The following BNC2 variants were observed in gnomAD, a reference collection of about 807,000 sequenced individuals.
The protein encoded by BNC2 is zinc finger protein basonuclin-2.
In BNC2, 20 loss-of-function variants were observed where a neutral mutation model predicts 76.3. The ratio of observed to expected loss-of-function variants is 0.26; its 90% confidence interval spans 0.18 to 0.38. The LOEUF is 0.38. Among genes scored for constraint, BNC2 ranks in the 10% least tolerant of loss-of-function variants. The pLI is 1.00. For missense variants in BNC2, 1,382 were observed against 1,399.8 expected, an observed-to-expected ratio of 0.99 and a Z score of 0.20; for synonymous variants, 582 against 514.8, an observed-to-expected ratio of 1.13 and a Z score of -1.77.
chr9:16,845,628 G>C (rs1818957389), intron 1 of BNC2, among the ~76,000 whole-genome samples: 1 of 152,192 alleles, frequency 6.6e-6, no homozygotes, highest in Non-Finnish European at 1.5e-5. Flanking sequence ...GGCCGAGGCA[G>C]GAGAATGGCG....
intron 1 of BNC2, among the ~76,000 whole-genome samples, chr9:16,843,375 G>T (rs1355609054): frequency 6.6e-6 from 1 of 152,226 alleles, no homozygotes; most frequent in African/African-American, 2.4e-5. Context: ...TGTCGCCTAG[G>T]CTGGAGTGCA....
In BNC2 at chr9:16,436,812, T is replaced by A; in HGVS notation, c.1382A>T (p.Asn461Ile). Reference protein sequence around the residue: ...YDKGTLKIHYNAVHLKIKHRC... With the variant: ...YDKGTLKIHYIAVHLKIKHRC... Reference sequence around the variant, plus strand: ...ATGTTTGATCTTCAGGTGAACAGCATTGTAATGAATTTTGAGAGTACCTTT... The same window carrying A: ...ATGTTTGATCTTCAGGTGAACAGCAATGTAATGAATTTTGAGAGTACCTTT... Residue 461 changes from asparagine to isoleucine, a missense_variant, in exon 6 of 7, where the codon AAT becomes ATT. This residue lies in a region of BNC2 where 27 missense variants were observed against 83.4 expected (regional missense o/e 0.32). Coordinates refer to ENST00000380672, the MANE Select transcript of BNC2 (RefSeq NM_017637.6). The A allele has an allele frequency of 6.2e-7, 1 of 1,614,220 alleles. No homozygotes were observed. Among genetic ancestry groups the A allele is most frequent in the Non-Finnish European group, 8.5e-7 (1 of 1,180,040 alleles).
rs1190553238 is a variant in BNC2, at chr9:16,436,644, G to A, written c.1550C>T (p.Ala517Val). The change falls in exon 6 of 7, where the codon GCT becomes GTT. Residue 517 changes from alanine to valine, a missense_variant. Transcript: ENST00000380672. Reference sequence around the variant, plus strand: ...TGTACTTGCTATGACAGGGGTGGCAGCTCCTGAGGTGGCCCGAATTAAATC... The same window carrying A: ...TGTACTTGCTATGACAGGGGTGGCAACTCCTGAGGTGGCCCGAATTAAATC... ...DKDLIRATSG[A>V]ATPVIASTKS... 1 of 1,613,980 alleles carries A rather than the reference G, an allele frequency of 6.2e-7. No individual in the cohort carries two copies.
chr9:16,665,593 C>T (rs1387080937), intron 3 of BNC2, among the ~76,000 whole-genome samples: 1 of 152,088 alleles, frequency 6.6e-6, no homozygotes, highest in Non-Finnish European at 1.5e-5. Flanking sequence ...CTATTTTATG[C>T]TACTAAGCAT....
chr9:16,609,144 G>C (rs979868917), intron 3 of BNC2, among the ~76,000 whole-genome samples: 5 of 151,994 alleles, frequency 3.3e-5, no homozygotes, highest in African/African-American at 1.2e-4. Context: ...GCACCCCAGG[G>C]GACCTTTCGG....
intron 1 of BNC2, among the ~76,000 whole-genome samples, chr9:16,783,833 G>C (rs1250935745): frequency 6.6e-6 from 1 of 151,980 alleles, no homozygotes; most frequent in African/African-American, 2.4e-5. Flanking sequence ...CTAACCTTTG[G>C]CTAACTGACA....
chr9:16,603,666 T>C (rs761126911), intron 3 of BNC2, among the ~76,000 whole-genome samples: 7 of 152,246 alleles, frequency 4.6e-5, no homozygotes, highest in South Asian at 2.1e-4. Context: ...AAAAAGGAGG[T>C]TGCAAGTGCC....
chr9:16,567,369 T>A (rs1056542663), intron 4 of BNC2, among the ~76,000 whole-genome samples: 2 of 152,194 alleles, frequency 1.3e-5, no homozygotes, highest in African/African-American at 2.4e-5. Context: ...CAAAGTAATG[T>A]CCTTTATAAA....
At chr9:16,576,043 C>T (rs988944622) in intron 4 of BNC2, among the ~76,000 whole-genome samples, 7 of 152,210 alleles carry the variant, frequency 4.6e-5, no homozygotes, top group South Asian at 2.1e-4. Context: ...GCCCTAGAAA[C>T]ATTTCCCCTA....
chr9:16,706,538 C>T (rs2134660509), intron 3 of BNC2, among the ~76,000 whole-genome samples: 1 of 152,240 alleles, frequency 6.6e-6, no homozygotes, highest in South Asian at 2.1e-4. Flanking sequence ...CCCTAAAATA[C>T]AAAATGATGA....
intron 5 of BNC2, among the ~76,000 whole-genome samples, chr9:16,454,149 T>A (rs1320544422): frequency 3.3e-5 from 5 of 152,332 alleles, no homozygotes; most frequent in Middle Eastern, 3.4e-3. Context: ...TGTGTTTTTT[T>A]AATCACATTC....
chr9:16,654,731 G>A (rs1010687498), intron 3 of BNC2, among the ~76,000 whole-genome samples: 3 of 151,574 alleles, frequency 2.0e-5, no homozygotes, highest in Non-Finnish European at 4.4e-5. Flanking sequence ...TTATTTTCCA[G>A]AGCCTGAACC....
intron 5 of BNC2, among the ~76,000 whole-genome samples, chr9:16,531,949 C>G (rs1817989097): frequency 1.3e-5 from 2 of 152,230 alleles, no homozygotes; most frequent in South Asian, 4.2e-4. Context: ...ACTTAAAATT[C>G]TGCCATTTGT....
chr9:16,535,761 G>A (rs1281134411), intron 5 of BNC2, among the ~76,000 whole-genome samples: 3 of 152,154 alleles, frequency 2.0e-5, no homozygotes, highest in African/African-American at 7.2e-5. Flanking sequence ...ATCTGCCACT[G>A]CAGCTCTGGG....
At chr9:16,817,741 T>C (rs1346315712) in intron 1 of BNC2, among the ~76,000 whole-genome samples, 1 of 152,220 alleles carries the variant, frequency 6.6e-6, no homozygotes, top group East Asian at 1.9e-4. Flanking sequence ...CTTTTGCTCA[T>C]ACTGGAGACT....
At chr9:16,532,938 CTTGGT>C (rs936414130) in intron 5 of BNC2, among the ~76,000 whole-genome samples, 1 of 152,150 alleles carries the variant, frequency 6.6e-6, no homozygotes, top group Non-Finnish European at 1.5e-5. Flanking sequence ...TGGCTGGTTG[CTTGGT>C]TTGTTTTCAT....
intron 3 of BNC2, among the ~76,000 whole-genome samples, chr9:16,626,678 A>AACACAC (rs113705597): frequency 4.7e-5 from 7 of 149,774 alleles, no homozygotes; most frequent in South Asian, 2.1e-4. Flanking sequence ...GTAAAAGGCA[A>AACACAC]ACACACACAC....
chr9:16,439,812 C>T (rs934814990), intron 5 of BNC2, among the ~76,000 whole-genome samples: 1 of 152,202 alleles, frequency 6.6e-6, no homozygotes, highest in African/African-American at 2.4e-5. Flanking sequence ...TGTGTGAGTA[C>T]GTGCATGTGG....
intron 1 of BNC2, among the ~76,000 whole-genome samples, chr9:16,820,122 C>CAAA (rs11387388): frequency 0.018 from 1,485 of 81,594 alleles, 90 homozygotes; most frequent in African/African-American, 0.075. Context: ...GAGACTGTCT[C>CAAA]AAAAAAAAAA....
Sources: gnomAD v4.1 joint callset for allele counts (sites outside exome capture counted in the v4.1 genomes callset) on GRCh38, gnomAD v4.1.1 for gene constraint, gnomAD v4.1.1 regional missense constraint, MANE v1.5 for transcripts, NCBI Gene and HGNC (gene_info 2026-07-23, HGNC 2026-07-21) for gene names.